OSBPL10: variants seen among roughly 807,000 people sequenced by gnomAD.
The protein encoded by OSBPL10 is oxysterol binding protein like 10, also known as oxysterol-binding protein-related protein 10.
In OSBPL10, 49 loss-of-function variants were observed where a neutral mutation model predicts 81.7. The observed-to-expected ratio is 0.60, with a 90% CI of 0.48 to 0.76. OSBPL10 has a LOEUF of 0.76. Among genes scored for constraint, OSBPL10 ranks in the 30% least tolerant of loss-of-function variants. The pLI is 0.00. For missense variants in OSBPL10, 923 were observed against 987.8 expected, an observed-to-expected ratio of 0.93 and a Z score of 0.88; for synonymous variants, 419 against 383.6, an observed-to-expected ratio of 1.09 and a Z score of -1.08.
At chr3:31,666,370 T>C (rs1397657695) in intron 10 of OSBPL10, among the ~76,000 whole-genome samples, 1 of 152,224 alleles carries the variant, frequency 6.6e-6, no homozygotes, top group Non-Finnish European at 1.5e-5. Flanking sequence ...CCAGGAATTC[T>C]AGTTGGGGAC....
chr3:31,945,899 A>G (rs141965737), intron 1 of OSBPL10, among the ~76,000 whole-genome samples: 2 of 152,274 alleles, frequency 1.3e-5, no homozygotes, highest in African/African-American at 4.8e-5. Flanking sequence ...AAAAAATCCA[A>G]ACTACTTAAG....
At chr3:31,870,182 G>C (rs1575591814) in intron 3 of OSBPL10, among the ~76,000 whole-genome samples, 1 of 152,364 alleles carries the variant, frequency 6.6e-6, no homozygotes, top group East Asian at 1.9e-4. Flanking sequence ...GGAGTTCCAG[G>C]TGGGCGTGGG....
intron 5 of OSBPL10, among the ~76,000 whole-genome samples, chr3:31,734,073 G>A (rs1697072684): frequency 6.6e-6 from 1 of 152,070 alleles, no homozygotes; most frequent in Non-Finnish European, 1.5e-5. Flanking sequence ...AAAATAGGCT[G>A]CTCAAAATGT....
At chr3:32,074,985 C>T (rs111583099) in intron 1 of OSBPL10, among the ~76,000 whole-genome samples, 17 of 149,680 alleles carry the variant, frequency 1.1e-4, no homozygotes, top group African/African-American at 2.9e-4. Context: ...TGAACAACTG[C>T]GGGTCCCCCT....
chr3:31,953,700 C>T (rs1697932739), intron 1 of OSBPL10, among the ~76,000 whole-genome samples: 1 of 152,246 alleles, frequency 6.6e-6, no homozygotes, highest in Non-Finnish European at 1.5e-5. Context: ...GCCACCACAC[C>T]TGGCCACAAT....
intron 4 of OSBPL10, among the ~76,000 whole-genome samples, chr3:31,767,960 G>A (rs1482265974): frequency 6.6e-6 from 1 of 152,094 alleles, no homozygotes; most frequent in Admixed American, 6.6e-5. Context: ...AGAAAGTAAA[G>A]GAGTAAAGGA....
chr3:31,794,640 G>T, intron 4 of OSBPL10: 1 of 328,520 alleles, frequency 3.0e-6, no homozygotes, highest in Non-Finnish European at 6.1e-6. Context: ...TGGGTTGTTG[G>T]TGTGGAGTGA....
intron 8 of OSBPL10, among the ~76,000 whole-genome samples, chr3:31,680,270 G>A (rs943231409): frequency 3.9e-5 from 6 of 152,092 alleles, no homozygotes; most frequent in African/African-American, 1.2e-4. Context: ...GGCTCTAATC[G>A]CCCTTGACCT....
intron 4 of OSBPL10, among the ~76,000 whole-genome samples, chr3:31,798,561 ATATAT>A (rs1477602079): frequency 2.6e-5 from 4 of 152,158 alleles, no homozygotes; most frequent in African/African-American, 9.7e-5. Flanking sequence ...GTTAAATAAA[ATATAT>A]TATTAAAATT....
chr3:31,801,286 T>C (rs1338450392), intron 4 of OSBPL10, among the ~76,000 whole-genome samples: 1 of 151,988 alleles, frequency 6.6e-6, no homozygotes, highest in Non-Finnish European at 1.5e-5. Context: ...GTCTTTGGAG[T>C]TGGGGAAGTT....
intron 4 of OSBPL10, among the ~76,000 whole-genome samples, chr3:31,751,451 T>C (rs1347399291): frequency 6.6e-6 from 1 of 152,168 alleles, no homozygotes; most frequent in Middle Eastern, 3.2e-3. Flanking sequence ...CGATTGCCAA[T>C]AGCAACGGCA....
chr3:31,870,892 G>A (rs1304548987), intron 3 of OSBPL10, among the ~76,000 whole-genome samples: 1 of 152,032 alleles, frequency 6.6e-6, no homozygotes, highest in Admixed American at 6.5e-5. Flanking sequence ...TCGACACTCT[G>A]TATCTAGCTG....
chr3:31,725,801 T>C (rs893646916), intron 6 of OSBPL10, among the ~76,000 whole-genome samples: 1 of 152,200 alleles, frequency 6.6e-6, no homozygotes, highest in African/African-American at 2.4e-5. Flanking sequence ...GAAGGAAGCA[T>C]GCCCTTTAGT....
intron 8 of OSBPL10, among the ~76,000 whole-genome samples, chr3:31,676,912 G>A (rs925636154): frequency 7.9e-5 from 12 of 152,170 alleles, no homozygotes; most frequent in Non-Finnish European, 1.6e-4. Flanking sequence ...CAATAGAAAC[G>A]AGAGGGTGGG....
At chr3:31,662,219 T>C in intron 11 of OSBPL10, 103 bp from the exon 12 acceptor site, 2 of 1,580,472 alleles carry the variant, frequency 1.3e-6, no homozygotes, top group South Asian at 1.2e-5. Flanking sequence ...CGTGTCTTAA[T>C]ACCTCACACG....
At chr3:32,074,733 C>T (rs1044665745) in intron 1 of OSBPL10, among the ~76,000 whole-genome samples, 1 of 152,200 alleles carries the variant, frequency 6.6e-6, no homozygotes. Context: ...TATGCAGTTG[C>T]ACCATCAATC....
chr3:31,872,622 CTTTTTT>C (rs71097452), intron 3 of OSBPL10, among the ~76,000 whole-genome samples: 1 of 127,876 alleles, frequency 7.8e-6, no homozygotes, highest in African/African-American at 3.0e-5. Flanking sequence ...AATTCAAAAG[CTTTTTT>C]TTTTTTTTTT....
At chr3:31,668,037 T>C (rs935391207) in intron 10 of OSBPL10, among the ~76,000 whole-genome samples, 1 of 152,266 alleles carries the variant, frequency 6.6e-6, no homozygotes, top group Non-Finnish European at 1.5e-5. Flanking sequence ...TTTCTTTTGT[T>C]GCTTAGTTTT....
intron 3 of OSBPL10, among the ~76,000 whole-genome samples, chr3:31,858,828 A>G (rs1219262724): frequency 1.3e-5 from 2 of 152,132 alleles, no homozygotes; most frequent in African/African-American, 4.8e-5. Context: ...GTCTATCAAA[A>G]CTTTTAGGGG....
Sources: allele counts gnomAD v4.1 joint callset (sites outside exome capture counted in the v4.1 genomes callset), GRCh38; gene constraint gnomAD v4.1.1; transcripts MANE v1.5; gene names NCBI Gene and HGNC (gene_info 2026-07-23, HGNC 2026-07-21).